The following COL4A3 variants were observed in gnomAD, a reference collection of about 807,000 sequenced individuals.
COL4A3 encodes the protein collagen type IV alpha 3 chain.
In COL4A3, 135 loss-of-function variants were observed where a neutral mutation model predicts 217.4. The observed-to-expected ratio is 0.62, with a 90% confidence interval of 0.54 to 0.72. The LOEUF (loss-of-function observed/expected upper bound fraction) is 0.72. Among genes scored for constraint, COL4A3 ranks in the 30% least tolerant of loss-of-function variants. COL4A3 has a pLI of 0.00. For missense variants in COL4A3, 1,868 were observed against 2,119.9 expected, an observed-to-expected ratio of 0.88 and a Z score of 2.33; for synonymous variants, 690 against 736.3, an observed-to-expected ratio of 0.94 and a Z score of 1.02.
chr2:227,287,674 A>T (rs2072420127), intron 34 of COL4A3, among the ~76,000 whole-genome samples: 1 of 152,254 alleles, frequency 6.6e-6, no homozygotes, highest in Non-Finnish European at 1.5e-5. Context: ...CTCTCTGGGA[A>T]TCCTGTCTCA....
At chr2:227,234,087 G>T (rs1000576987) in intron 1 of COL4A3, among the ~76,000 whole-genome samples, 1 of 152,174 alleles carries the variant, frequency 6.6e-6, no homozygotes, top group Admixed American at 6.5e-5. Flanking sequence ...TTGGATGGGG[G>T]AGAGGCATAC....
At chr2:227,243,026 C>T (rs571993604) in intron 3 of COL4A3, among the ~76,000 whole-genome samples, 9 of 152,282 alleles carry the variant, frequency 5.9e-5, no homozygotes, top group Admixed American at 1.3e-4. Flanking sequence ...ATTGGTAGAA[C>T]GAGTTTGCCA....
chr2:227,203,549 A>G lies in COL4A3; in HGVS notation c.88-34419A>G, dbSNP rs1197794449. On this transcript the variant is annotated intron_variant, in intron 1 of 51. Transcript: ENST00000396578. ...TGTGTATATATACATATATGTGTGT[A>G]TATATGTGTATATATACATATATGT... is the stretch of plus-strand genomic sequence containing the variant. Among the ~76,000 whole-genome samples the G allele has an allele frequency of 7.8e-3, 170 of 21,780 alleles. 47 individuals are homozygous for G. The highest frequency in any genetic ancestry group is 0.045 in the African/African-American group (155 of 3,436). The allele number at this position is 21,780 out of a possible 152,430, so 14.3% of individuals were successfully genotyped here.
At chr2:227,240,339 C>G (rs2068950903) in intron 3 of COL4A3, 107 bp downstream of exon 3, 1 of 1,061,514 alleles carries the variant, frequency 9.4e-7, no homozygotes, top group African/African-American at 1.6e-5. Flanking sequence ...TAGCCAACTG[C>G]TAGGTGCATG....
At chr2:227,263,640 CTTT>C in intron 20 of COL4A3, 137 bp from the exon 21 acceptor site, 1 of 877,894 alleles carries the variant, frequency 1.1e-6, no homozygotes, top group Non-Finnish European at 1.7e-6. Context: ...AGGATATTCA[CTTT>C]TTTATTTTAT....
chr2:227,290,127 G>C, intron 36 of COL4A3, 39 bp downstream of exon 36: 1 of 1,543,316 alleles, frequency 6.5e-7, no homozygotes, highest in Non-Finnish European at 9.0e-7. Context: ...ACAAGCTCAT[G>C]ATGGGTGAGG....
chr2:227,202,097 C>G (rs1464461892), intron 1 of COL4A3, among the ~76,000 whole-genome samples: 6 of 152,142 alleles, frequency 3.9e-5, no homozygotes, highest in African/African-American at 1.2e-4. Context: ...AATTCCCTTC[C>G]AGAATATATT....
intron 21 of COL4A3, 101 bp from the exon 22 acceptor site, chr2:227,266,316 A>G (rs947507195): frequency 5.2e-5 from 48 of 918,700 alleles, no homozygotes; most frequent in Non-Finnish European, 7.9e-5. Context: ...CTTCCAATAC[A>G]AAGATGAGAG....
chr2:227,274,274 T>TAAATAAATAAATAAAC (rs2071422722), intron 26 of COL4A3, among the ~76,000 whole-genome samples: 1 of 150,568 alleles, frequency 6.6e-6, no homozygotes, highest in Non-Finnish European at 1.5e-5. Context: ...AATAAATAAA[T>TAAATAAATAAATAAAC]TTTAAAAATC....
rs2073825124 is a variant in COL4A3 at position 227,314,026 on chromosome 2, A to C, written c.*2156A>C. ...TCTAAATACTGAGAAAACCTGTTCT[A>C]GACAAATACCCAAGCAACAACTCCG... On this transcript the variant is annotated 3_prime_UTR_variant, in exon 52 of 52. Coordinates refer to ENST00000396578, the MANE Select transcript of COL4A3 (RefSeq NM_000091.5). 1 of 152,650 alleles carries C rather than the reference A, an allele frequency of 6.6e-6. No individual in the cohort carries two copies. Among genetic ancestry groups the C allele is most frequent in the Admixed American group, 6.5e-5 (1 of 15,276 alleles). 9.5% of individuals were successfully genotyped at this position (152,650 alleles called of 1,614,324 possible). A position where few individuals can be genotyped will look rare whatever the true frequency, so the allele number is the denominator to read the frequency against.
chr2:227,314,197 A>T lies in COL4A3; in HGVS notation c.*2327A>T, dbSNP rs749902632. 4 of 152,570 alleles carry T rather than the reference A, an allele frequency of 2.6e-5. No homozygotes were observed. The highest frequency in any genetic ancestry group is 5.9e-5 in the Non-Finnish European group (4 of 68,030). The allele number at this position is 152,570 out of a possible 1,614,324, so 9.5% of individuals were successfully genotyped here. A position where few individuals can be genotyped will look rare whatever the true frequency, so the allele number is the denominator to read the frequency against. On this transcript the variant is annotated 3_prime_UTR_variant, in exon 52 of 52. Coordinates refer to ENST00000396578, the MANE Select transcript of COL4A3 (RefSeq NM_000091.5). The stretch of plus-strand genomic sequence containing the variant: ...TGCTAATGTCAAACCACTGGCCTCC[A>T]CTCAGGCCTCCATCTTCTCATGCCC...
At chr2:227,271,461 ATTTTTTTT>A (rs397988092) in intron 25 of COL4A3, among the ~76,000 whole-genome samples, 13 of 104,702 alleles carry the variant, frequency 1.2e-4, no homozygotes, top group South Asian at 3.4e-4. Flanking sequence ...ACCTACCAAG[ATTTTTTTT>A]TTTTTTTTTT....
chr2:227,256,486 A>G (rs554889611), intron 17 of COL4A3, 90 bp downstream of exon 17: 1 of 1,036,952 alleles, frequency 9.6e-7, no homozygotes, highest in African/African-American at 1.6e-5. Context: ...AGTACAAGGG[A>G]TTACAATAAC....
At position 227,203,529 on chromosome 2, in the gene COL4A3, A is replaced by G. The variant is rs1233753513; in HGVS notation, c.88-34439A>G. 9.1e-5 allele frequency among the ~76,000 whole-genome samples: 4 copies of G among 43,828 alleles called. 1 individual carries two copies. The highest frequency in any genetic ancestry group is 9.6e-4 in the East Asian group (1 of 1,040). The allele number at this position is 43,828 out of a possible 152,430, so 28.8% of individuals were successfully genotyped here. A position where few individuals can be genotyped will look rare whatever the true frequency, so the allele number is the denominator to read the frequency against. ...TACATATATGTGTGTATATATGTGT[A>G]TATATACATATATGTGTGTATATAT... On this transcript the variant is annotated intron_variant, in intron 1 of 51. Transcript: ENST00000396578.
chr2:227,195,779 G>T (rs1010318979), intron 1 of COL4A3, among the ~76,000 whole-genome samples: 1 of 150,884 alleles, frequency 6.6e-6, no homozygotes, highest in African/African-American at 2.4e-5. Flanking sequence ...CATAGGAGAT[G>T]ACAGCTCCAT....
intron 17 of COL4A3, among the ~76,000 whole-genome samples, chr2:227,257,391 C>T (rs1020950678): frequency 6.6e-6 from 1 of 152,212 alleles, no homozygotes; most frequent in Non-Finnish European, 1.5e-5. Flanking sequence ...AGGGCAATAA[C>T]TACTTCTGTA....
intron 3 of COL4A3, 30 bp from the exon 4 acceptor site, chr2:227,244,290 T>G (rs549008815): frequency 1.4e-5 from 22 of 1,609,978 alleles, no homozygotes; most frequent in Middle Eastern, 1.6e-4. Flanking sequence ...TTTCAGAGTG[T>G]TTACTTTTTC....
chr2:227,257,730 T>C (rs1574711556), intron 18 of COL4A3, 86 bp downstream of exon 18: 2 of 1,160,190 alleles, frequency 1.7e-6, no homozygotes, highest in Non-Finnish European at 2.6e-6. Context: ...TGTCTCTCAT[T>C]AACTGTGTGA....
Position 227,240,223 on chromosome 2 carries a change from G to C in COL4A3, c.225G>C (p.Gln75His). 6.2e-7 allele frequency: 1 copy of C among 1,609,766 alleles called. No homozygotes were observed. The highest frequency in any genetic ancestry group is 8.5e-7 in the Non-Finnish European group (1 of 1,178,238). ...FTGPEGLPGP[Q>H]GPKGFPGLPG... ...GTCCTGAAGGCTTGCCTGGACCGCA[G>C]GGACCCAAGGTATGTCATCCTGCAA... is the stretch of plus-strand genomic sequence containing the variant. Residue 75 changes from glutamine (Q) to histidine (H), a missense_variant, in exon 3 of 52, where the codon CAG becomes CAC. Coordinates refer to ENST00000396578, the MANE Select transcript of COL4A3 (RefSeq NM_000091.5).
Sources: gnomAD v4.1 joint callset for allele counts (sites outside exome capture counted in the v4.1 genomes callset) on GRCh38, gnomAD v4.1.1 for gene constraint, MANE v1.5 for transcripts, NCBI Gene and HGNC (gene_info 2026-07-23, HGNC 2026-07-21) for gene names.